Variants in SLC9A9 observed in about 807,000 individuals in gnomAD.
The protein encoded by SLC9A9 is sodium/hydrogen exchanger 9.
SLC9A9 carries 62 observed loss-of-function variants against 77.8 expected under a neutral mutation model. The ratio of observed to expected loss-of-function variants is 0.80; its 90% CI spans 0.65 to 0.98. The LOEUF (loss-of-function observed/expected upper bound fraction) is 0.98. SLC9A9 is among the 50% of genes least tolerant of loss of function. The pLI is 0.00. For synonymous variants in SLC9A9, 320 were observed against 283.5 expected (o/e 1.13, Z -1.29); for missense variants, 775 against 774.9 (o/e 1.00, Z 0.00).
chr3:143,782,225 T>C (rs995173590), intron 4 of SLC9A9, among the ~76,000 whole-genome samples: 1 of 152,240 alleles, frequency 6.6e-6, no homozygotes, highest in Non-Finnish European at 1.5e-5. Flanking sequence ...GTTAAAATTA[T>C]CTTGATTCCT....
chr3:143,309,883 T>C (rs78154821), intron 14 of SLC9A9, among the ~76,000 whole-genome samples: 5,865 of 152,286 alleles, frequency 0.039, 388 homozygotes, highest in African/African-American at 0.13. Context: ...AAAAAAAGTC[T>C]CTGTCCCATG....
Position 143,812,637 on chromosome 3 carries a change from AAAT to A in SLC9A9, c.379-15737_379-15735del, listed in dbSNP as rs562210446. Among the ~76,000 whole-genome samples the A allele has an allele frequency of 7.4e-3, 1,121 of 152,322 alleles. 7 individuals are homozygous for A. The highest frequency in any genetic ancestry group is 0.012 in the Non-Finnish European group (835 of 68,024). On this transcript the variant is annotated intron_variant, in intron 2 of 15. Transcript: ENST00000316549. ...GTTCAGGCCAACTGAATATGGACGG[AAAT>A]AATATTTATCACTTCCTAGTCCCTA...
At chr3:143,304,192 AT>A (rs2108431045) in intron 14 of SLC9A9, among the ~76,000 whole-genome samples, 1 of 152,286 alleles carries the variant, frequency 6.6e-6, no homozygotes, top group African/African-American at 2.4e-5. Flanking sequence ...TAAAAATGCA[AT>A]TATTTCAGTA....
At chr3:143,512,847 C>G (rs1017651937) in intron 9 of SLC9A9, among the ~76,000 whole-genome samples, 15 of 152,326 alleles carry the variant, frequency 9.8e-5, no homozygotes, top group Middle Eastern at 3.4e-3. Flanking sequence ...TGTACTCCAG[C>G]CTGGGTGACA....
chr3:143,606,156 GC>G (rs2037918053), intron 6 of SLC9A9, among the ~76,000 whole-genome samples: 1 of 139,954 alleles, frequency 7.1e-6, no homozygotes, highest in African/African-American at 2.8e-5. Flanking sequence ...TCCTAGCACA[GC>G]ACGTTGGGAG....
At chr3:143,801,148 A>C (rs1179219646) in intron 2 of SLC9A9, among the ~76,000 whole-genome samples, 3 of 152,108 alleles carry the variant, frequency 2.0e-5, no homozygotes, top group Non-Finnish European at 4.4e-5. Flanking sequence ...GACTGCTCCC[A>C]CACTAGCTCT....
At chr3:143,562,243 A>G (rs2037100189) in intron 8 of SLC9A9, among the ~76,000 whole-genome samples, 1 of 152,226 alleles carries the variant, frequency 6.6e-6, no homozygotes, top group Non-Finnish European at 1.5e-5. Flanking sequence ...GGTGATAACA[A>G]AGGAATTCTC....
At chr3:143,315,061 A>G (rs2031158733) in intron 14 of SLC9A9, among the ~76,000 whole-genome samples, 1 of 152,222 alleles carries the variant, frequency 6.6e-6, no homozygotes, top group African/African-American at 2.4e-5. Context: ...AAATAACCCT[A>G]AGGTGTGATA....
Position 143,816,615 on chromosome 3 carries a change from T to C in SLC9A9, c.378+15404A>G, listed in dbSNP as rs2009024764. On this transcript the variant is annotated intron_variant, in intron 2 of 15. Transcript: ENST00000316549. ...GTTACCATTACTAAAAATGCTGCAA[T>C]GTATATTCTTGTACTTAAGTCTGTG... Among the ~76,000 whole-genome samples the C allele has an allele frequency of 2.6e-5, 4 of 152,238 alleles. No homozygotes were observed. The South Asian group carries it at 8.3e-4, about 31-fold the overall frequency.
intron 4 of SLC9A9, among the ~76,000 whole-genome samples, chr3:143,714,344 A>G (rs914407493): frequency 3.3e-5 from 5 of 152,130 alleles, no homozygotes; most frequent in South Asian, 4.1e-4. Flanking sequence ...GAAGGCACCA[A>G]TTCCCACCCA....
At chr3:143,592,308 C>T (rs929979856) in intron 6 of SLC9A9, among the ~76,000 whole-genome samples, 27 of 152,208 alleles carry the variant, frequency 1.8e-4, no homozygotes, top group African/African-American at 6.3e-4. Context: ...GGGAGGATCA[C>T]TTAAGCCCAG....
intron 8 of SLC9A9, among the ~76,000 whole-genome samples, chr3:143,563,132 A>T (rs1372446170): frequency 6.6e-6 from 1 of 152,180 alleles, no homozygotes; most frequent in Non-Finnish European, 1.5e-5. Flanking sequence ...AACCACAAAG[A>T]GGCACACGGT....
chr3:143,769,791 T>C lies in SLC9A9; in HGVS notation c.533+25210A>G, dbSNP rs1413589727. ...TATGCTCTGGCTGCTATTCAAAACC[T>C]TTTCTCCTCAGTGTGACTCAAGGAT... is the stretch of plus-strand genomic sequence containing the variant. On this transcript the variant is annotated intron_variant, in intron 4 of 15. Coordinates refer to ENST00000316549, the MANE Select transcript of SLC9A9 (RefSeq NM_173653.4). 2.0e-5 allele frequency among the ~76,000 whole-genome samples: 3 copies of C among 152,152 alleles called. No individual in the cohort carries two copies. The South Asian group carries it at 6.2e-4, about 32-fold the overall frequency.
At chr3:143,373,336 G>A in intron 13 of SLC9A9, among the ~76,000 whole-genome samples, 1 of 152,070 alleles carries the variant, frequency 6.6e-6, no homozygotes. Flanking sequence ...TATTCTAAAT[G>A]AAATAACTCA....
chr3:143,297,064 A>C (rs116080450), intron 14 of SLC9A9, among the ~76,000 whole-genome samples: 5 of 152,158 alleles, frequency 3.3e-5, no homozygotes, highest in African/African-American at 1.2e-4. Flanking sequence ...TGTTGCTTTT[A>C]CTTCTGGTGT....
chr3:143,420,575 T>A (rs1014763536), intron 12 of SLC9A9, among the ~76,000 whole-genome samples: 1 of 125,298 alleles, frequency 8.0e-6, no homozygotes, highest in African/African-American at 2.7e-5. Flanking sequence ...TTGTGTTAGG[T>A]TGTTAACCTA....
At chr3:143,273,147 T>C (rs9813097) in intron 14 of SLC9A9, among the ~76,000 whole-genome samples, 43,245 of 152,238 alleles carry the variant, frequency 0.28, 10,955 homozygotes, top group African/African-American at 0.68. Context: ...CTTAAGCCTA[T>C]GGCTTGTATG....
chr3:143,652,681 A>G (rs984685947), intron 5 of SLC9A9, among the ~76,000 whole-genome samples: 3 of 151,410 alleles, frequency 2.0e-5, no homozygotes, highest in East Asian at 1.9e-4. Context: ...TCCCAAACAC[A>G]CTGTGTAGTT....
chr3:143,522,985 C>T (rs7644422), intron 9 of SLC9A9, among the ~76,000 whole-genome samples: 21 of 152,066 alleles, frequency 1.4e-4, no homozygotes, highest in African/African-American at 4.3e-4. Context: ...CTCATTAGGC[C>T]TTCGTGATTT....
Sources: allele counts gnomAD v4.1 joint callset (sites outside exome capture counted in the v4.1 genomes callset), GRCh38; gene constraint gnomAD v4.1.1; transcripts MANE v1.5; gene names NCBI Gene and HGNC (gene_info 2026-07-23, HGNC 2026-07-21).